The following RHBDL2 variants were observed in gnomAD, a reference collection of about 807,000 sequenced individuals.
The protein encoded by RHBDL2 is rhomboid like 2.
In RHBDL2, 26 loss-of-function variants were observed where a neutral mutation model predicts 31.7. The ratio of observed to expected loss-of-function variants is 0.82; its 90% CI spans 0.60 to 1.14. RHBDL2 has a LOEUF of 1.14. RHBDL2 is among the 50% of genes most tolerant of loss of function. The pLI is 0.00. For synonymous variants in RHBDL2, 123 were observed against 127.2 expected (o/e 0.97, Z 0.22); for missense variants, 336 against 364.4 (o/e 0.92, Z 0.63).
intron 6 of RHBDL2, among the ~76,000 whole-genome samples, chr1:38,889,659 G>A (rs910776042): frequency 6.6e-6 from 1 of 152,194 alleles, no homozygotes; most frequent in African/African-American, 2.4e-5. Flanking sequence ...AAAACTGTGA[G>A]AGCCAGAAGT....
rs35185971 is a variant in RHBDL2, at chr1:38,908,513, C to CAAA, written c.508+2806_508+2808dup. ...GGCAACAAGAGTGAAACTCCGTCTC[C>CAAA]AAAAAAAAAAAAAAAAAAAAAAAAC... On this transcript the variant is annotated intron_variant, in intron 4 of 7. Coordinates refer to ENST00000372990, the MANE Select transcript of RHBDL2 (RefSeq NM_017821.5). Among the ~76,000 whole-genome samples, 390 of 66,834 alleles carry CAAA rather than the reference C, an allele frequency of 5.8e-3. 6 individuals carry two copies. Among genetic ancestry groups the CAAA allele is most frequent in the African/African-American group, 0.021 (349 of 16,596 alleles). The allele number at this position is 66,834 out of a possible 152,430, so 43.8% of individuals were successfully genotyped here.
intron 4 of RHBDL2, among the ~76,000 whole-genome samples, chr1:38,909,157 A>G (rs1218736681): frequency 6.6e-6 from 1 of 151,898 alleles, no homozygotes; most frequent in African/African-American, 2.4e-5. Context: ...CGGGGTTTTT[A>G]TAGGCACAGG....
intron 4 of RHBDL2, among the ~76,000 whole-genome samples, chr1:38,902,356 C>T (rs187762563): frequency 6.7e-6 from 1 of 150,254 alleles, no homozygotes; most frequent in African/African-American, 2.4e-5. Flanking sequence ...CAGGTGTGCA[C>T]CACCAAGCTA....
At chr1:38,937,616 C>T (rs144503402) in intron 1 of RHBDL2, among the ~76,000 whole-genome samples, 3 of 152,144 alleles carry the variant, frequency 2.0e-5, no homozygotes, top group African/African-American at 7.2e-5. Flanking sequence ...TTGACACACC[C>T]TCACTGGGCA....
chr1:38,925,444 G>C (rs752634709), intron 1 of RHBDL2, among the ~76,000 whole-genome samples: 1 of 152,044 alleles, frequency 6.6e-6, no homozygotes, highest in Non-Finnish European at 1.5e-5. Flanking sequence ...GTTGCAGTGG[G>C]AGGCGGAGGT....
intron 3 of RHBDL2, among the ~76,000 whole-genome samples, 181 bp from the exon 4 acceptor site, chr1:38,911,615 T>C (rs1643143669): frequency 1.6e-5 from 1 of 64,140 alleles, no homozygotes; most frequent in South Asian, 3.5e-4. Flanking sequence ...TGTGTGTGTG[T>C]GTGTGTGTGT....
At chr1:38,887,422 T>C (rs1008252499) in intron 7 of RHBDL2, among the ~76,000 whole-genome samples, 4 of 151,002 alleles carry the variant, frequency 2.6e-5, no homozygotes, top group Non-Finnish European at 4.4e-5. Context: ...GAAAATCCAT[T>C]CTCTCCTGTT....
At chr1:38,895,525 T>C (rs1270233684) in intron 5 of RHBDL2, among the ~76,000 whole-genome samples, 1 of 152,100 alleles carries the variant, frequency 6.6e-6, no homozygotes, top group East Asian at 1.9e-4. Flanking sequence ...GAAAGGAAGC[T>C]AGGTGCGGCA....
At chr1:38,893,727 TG>T (rs1294005556) in intron 5 of RHBDL2, among the ~76,000 whole-genome samples, 5 of 145,480 alleles carry the variant, frequency 3.4e-5, no homozygotes, top group Non-Finnish European at 6.1e-5. Context: ...GGGGCGCTCT[TG>T]GGGGGGTTCT....
At chr1:38,929,646 G>T (rs902646002) in intron 1 of RHBDL2, 3 of 1,184,698 alleles carry the variant, frequency 2.5e-6, no homozygotes, top group Admixed American at 5.4e-5. Context: ...GCTGGGCAGC[G>T]GGCTGTGCTG....
In RHBDL2 at chr1:38,898,793, A is replaced by G. The variant is rs180761676; in HGVS notation, c.509-2724T>C. Among the ~76,000 whole-genome samples, 282 of 152,332 alleles carry G rather than the reference A, an allele frequency of 1.9e-3. 2 individuals are homozygous for G. Among genetic ancestry groups the G allele is most frequent in the African/African-American group, 6.2e-3 (259 of 41,584 alleles). ...CAGAAAACTCCAGAAAGGAGCATGC[A>G]AGGAAATTACCCAAGCCAAGGAAAG... On this transcript the variant is annotated intron_variant, in intron 4 of 7. Coordinates refer to ENST00000372990, the MANE Select transcript of RHBDL2 (RefSeq NM_017821.5).
In RHBDL2 at chr1:38,930,138, G is replaced by A. The variant is rs1643424578; in HGVS notation, c.-125-10801C>T. On this transcript the variant is annotated intron_variant, in intron 1 of 7. Transcript: ENST00000372990. ...GTTTCTTCCTTGAAACTTCACAGGT[G>A]GGCTATGGTTCAGGGTAGGGGGACC... Among the ~76,000 whole-genome samples, 3 of 152,046 alleles carry A rather than the reference G, an allele frequency of 2.0e-5. No individual in the cohort carries two copies. In the South Asian group the frequency reaches 6.2e-4, roughly 32 times the overall value.
Position 38,919,059 on chromosome 1 carries a change from A to G in RHBDL2, c.154T>C (p.Trp52Arg). ...SKKVHRIVSK[W>R]MLPEKSRGTY... Reference sequence around the variant, plus strand: ...CCTCGGGACTTTTCGGGCAGCATCCATTTTGAGACAATCCTGTGGACCTTT... The same window carrying G: ...CCTCGGGACTTTTCGGGCAGCATCCGTTTTGAGACAATCCTGTGGACCTTT... Residue 52 changes from tryptophan (W) to arginine (R), a missense_variant, in exon 2 of 8, where the codon TGG becomes CGG. By Grantham distance (101) the Trp-to-Arg change is moderately radical (BLOSUM62 -3). Transcript: ENST00000372990. 6.2e-7 allele frequency: 1 copy of G among 1,614,136 alleles called. No individual in the cohort carries two copies. The highest frequency in any genetic ancestry group is 8.5e-7 in the Non-Finnish European group (1 of 1,180,024).
intron 6 of RHBDL2, among the ~76,000 whole-genome samples, chr1:38,892,452 C>T (rs1557608086): frequency 1.3e-5 from 2 of 152,096 alleles, no homozygotes; most frequent in Non-Finnish European, 2.9e-5. Flanking sequence ...TTCCCCCACT[C>T]CATAAAGATA....
At chr1:38,888,287 T>C (rs528369458) in intron 6 of RHBDL2, among the ~76,000 whole-genome samples, 2 of 151,176 alleles carry the variant, frequency 1.3e-5, no homozygotes, top group African/African-American at 4.9e-5. Context: ...TTCTAGCTGG[T>C]AGATAGGCAG....
rs374660474 is a variant in RHBDL2 at position 38,930,780 on chromosome 1, A to G, written c.-126+10902T>C. ...GGCCCTTAAGTAAGGAGACAAAATC[A>G]TGGCTTTCAGTAGATATTTGTGGGC... On this transcript the variant is annotated intron_variant, in intron 1 of 7. Transcript: ENST00000372990. Among the ~76,000 whole-genome samples the G allele has an allele frequency of 2.0e-5, 3 of 152,196 alleles. No homozygotes were observed. In the East Asian group the frequency reaches 5.8e-4, roughly 29 times the overall value.
At chr1:38,902,425 T>A (rs1434149282) in intron 4 of RHBDL2, among the ~76,000 whole-genome samples, 1 of 2,186 alleles carries the variant, frequency 4.6e-4, no homozygotes, top group Admixed American at 4.8e-3. Context: ...TTTTTTATTA[T>A]TTTTTTTTTT....
intron 1 of RHBDL2, 191 bp from the exon 2 acceptor site, chr1:38,919,528 T>C (rs1461096306): frequency 3.7e-6 from 1 of 272,772 alleles, no homozygotes; most frequent in Non-Finnish European, 6.6e-6. Context: ...AGCCTCAAAT[T>C]ACATATTTCT....
rs1159446682 is a variant in RHBDL2 at position 38,907,258 on chromosome 1, G to A, written c.508+4064C>T. Among the ~76,000 whole-genome samples, 4 of 152,220 alleles carry A rather than the reference G, an allele frequency of 2.6e-5. No individual in the cohort carries two copies. In the East Asian group the frequency reaches 7.7e-4, roughly 29 times the overall value. ...AATGGGTTGCATATTTAAAAGTAAA[G>A]GCCAGGTGCAGTGGCTCATGCCTGT... On this transcript the variant is annotated intron_variant, in intron 4 of 7. Transcript: ENST00000372990.
Sources: gnomAD v4.1 joint callset for allele counts (sites outside exome capture counted in the v4.1 genomes callset) on GRCh38, gnomAD v4.1.1 for gene constraint, MANE v1.5 for transcripts, NCBI Gene and HGNC (gene_info 2026-07-23, HGNC 2026-07-21) for gene names.